The following SFMBT2 variants were observed in gnomAD, a reference collection of about 807,000 sequenced individuals.
The protein encoded by SFMBT2 is Scm like with four mbt domains 2.
SFMBT2 carries 38 observed loss-of-function variants against 110.1 expected under a neutral mutation model. The observed-to-expected ratio is 0.35, with a 90% CI of 0.27 to 0.45. The LOEUF is 0.45. SFMBT2 is among the 20% of genes least tolerant of loss of function. The pLI is 1.00. For synonymous variants in SFMBT2, 425 were observed against 425.4 expected (o/e 1.00, Z 0.01); for missense variants, 1,011 against 1,094.9 (o/e 0.92, Z 1.08).
chr10:7,397,062 AAAAAT>A (rs1441344144), intron 1 of SFMBT2, among the ~76,000 whole-genome samples: 1 of 152,220 alleles, frequency 6.6e-6, no homozygotes, highest in African/African-American at 2.4e-5. Context: ...AATAAAAATA[AAAAAT>A]AAAATAAACT....
rs1459974056 is a variant in SFMBT2 at position 7,229,606 on chromosome 10, A to G, written c.1121-1669T>C. Among the ~76,000 whole-genome samples the G allele has an allele frequency of 5.9e-5, 9 of 151,410 alleles. No homozygotes were observed. In the South Asian group the frequency reaches 8.3e-4, roughly 14 times the overall value. On this transcript the variant is annotated intron_variant, in intron 9 of 20. Coordinates refer to ENST00000397167, the MANE Select transcript of SFMBT2 (RefSeq NM_001387889.1). ...CAAGACTCCATCTCAAAAAAAAAAA[A>G]AAAGAAAGAAAGAAACTCAAGACAC...
intron 10 of SFMBT2, 68 bp from the exon 11 acceptor site, chr10:7,220,605 A>G (rs1839695707): frequency 2.6e-6 from 4 of 1,559,046 alleles, no homozygotes; most frequent in Non-Finnish European, 1.8e-6. Context: ...GCAGATGAAG[A>G]AAGAGAAAGA....
chr10:7,285,487 T>C (rs577112110), intron 5 of SFMBT2: 1 of 159,190 alleles, frequency 6.3e-6, no homozygotes, highest in Admixed American at 6.3e-5. Flanking sequence ...TCCAAGAGAC[T>C]ATATTAGCAC....
intron 1 of SFMBT2, among the ~76,000 whole-genome samples, chr10:7,388,320 AAAG>A (rs1282356198): frequency 2.0e-5 from 3 of 146,962 alleles, no homozygotes; most frequent in Non-Finnish European, 4.5e-5. Flanking sequence ...TCAGGCAAAC[AAAG>A]AAGGATGATG....
intron 4 of SFMBT2, among the ~76,000 whole-genome samples, chr10:7,297,869 G>A (rs936017609): frequency 6.6e-6 from 1 of 152,190 alleles, no homozygotes; most frequent in African/African-American, 2.4e-5. Flanking sequence ...GTATACCTGA[G>A]GATAGTATCT....
At chr10:7,271,900 A>T (rs915897236) in intron 7 of SFMBT2, among the ~76,000 whole-genome samples, 2 of 151,930 alleles carry the variant, frequency 1.3e-5, no homozygotes, top group Middle Eastern at 3.4e-3. Flanking sequence ...GGAAAGACCC[A>T]CCCCCATGAT....
chr10:7,163,165 G>T lies in SFMBT2; in HGVS notation c.*605C>A. Reference sequence around the variant, plus strand: ...AACAAACAAACCATCTAGTTGCATGGAGATGCCTGCCGGCCTTCCTTCACT... The same window carrying T: ...AACAAACAAACCATCTAGTTGCATGTAGATGCCTGCCGGCCTTCCTTCACT... On this transcript the variant is annotated 3_prime_UTR_variant, in exon 21 of 21. Coordinates refer to ENST00000397167, the MANE Select transcript of SFMBT2 (RefSeq NM_001387889.1). The surrounding 1 kb of genome is among the most constrained non-coding windows in gnomAD (Gnocchi z 4.8). 6.3e-6 allele frequency: 1 copy of T among 159,896 alleles called. No homozygotes were observed. Among genetic ancestry groups the T allele is most frequent in the Non-Finnish European group, 1.3e-5 (1 of 74,124 alleles). The allele number at this position is 159,896 out of a possible 1,614,324, so 9.9% of individuals were successfully genotyped here.
At chr10:7,273,793 G>C (rs919710718) in intron 7 of SFMBT2, among the ~76,000 whole-genome samples, 8 of 152,214 alleles carry the variant, frequency 5.3e-5, no homozygotes, top group Admixed American at 3.9e-4. Flanking sequence ...GTGCTGGAGA[G>C]GATGTGGAGA....
rs1842552008 is a variant in SFMBT2 at position 7,301,375 on chromosome 10, G to A, written c.437-15421C>T. ...CACAGAAACGCTGATGGGTCAAGCA[G>A]CTCTTCCAATCATCAAGTGAGGAAT... On this transcript the variant is annotated intron_variant, in intron 4 of 20. Coordinates refer to ENST00000397167, the MANE Select transcript of SFMBT2 (RefSeq NM_001387889.1). This position sits in a 1 kb window ranked among gnomAD's most constrained non-coding sequence, Gnocchi z 4.2. 6.6e-6 allele frequency among the ~76,000 whole-genome samples: 1 copy of A among 152,236 alleles called. No homozygotes were observed. The highest frequency in any genetic ancestry group is 2.1e-4 in the South Asian group (1 of 4,828).
At chr10:7,308,347 G>C (rs1158672776) in intron 4 of SFMBT2, among the ~76,000 whole-genome samples, 1 of 152,004 alleles carries the variant, frequency 6.6e-6, no homozygotes, top group Non-Finnish European at 1.5e-5. Flanking sequence ...GATGGAGAGA[G>C]AGACCCCATC....
At chr10:7,256,882 A>G (rs868288270) in intron 7 of SFMBT2, among the ~76,000 whole-genome samples, 8 of 152,298 alleles carry the variant, frequency 5.3e-5, no homozygotes, top group Middle Eastern at 6.8e-3. Context: ...CACTGAGGTC[A>G]GGAGTTTGAG....
intron 7 of SFMBT2, among the ~76,000 whole-genome samples, chr10:7,252,159 C>T (rs113917359): frequency 0.014 from 2,125 of 152,330 alleles, 22 homozygotes; most frequent in South Asian, 0.046. Context: ...AATCCACACC[C>T]ATCTTTTATC....
intron 4 of SFMBT2, among the ~76,000 whole-genome samples, chr10:7,333,483 C>T (rs1588457037): frequency 6.6e-6 from 1 of 151,400 alleles, no homozygotes; most frequent in South Asian, 2.1e-4. Context: ...ACCTCGAATT[C>T]CTAGACTCAA....
rs993484968 is a variant in SFMBT2 at position 7,185,168 on chromosome 10, G to A, written c.1808+3456C>T. Among the ~76,000 whole-genome samples, 14 of 152,216 alleles carry A rather than the reference G, an allele frequency of 9.2e-5. 1 individual carries two copies. In the Middle Eastern group the frequency reaches 0.017, roughly 185 times the overall value. On this transcript the variant is annotated intron_variant, in intron 16 of 20. Transcript: ENST00000397167. ...AAGCTGGCCTGTTTGAATCAGACAC[G>A]CCACACCGTGATCCAGTGAATTTAG...
At chr10:7,406,797 G>C (rs1280244055) in intron 1 of SFMBT2, among the ~76,000 whole-genome samples, 1 of 152,230 alleles carries the variant, frequency 6.6e-6, no homozygotes, top group Non-Finnish European at 1.5e-5. Flanking sequence ...TGGGAAATGG[G>C]AAACAGTTCC....
intron 9 of SFMBT2, among the ~76,000 whole-genome samples, chr10:7,239,571 CA>C (rs1474878995): frequency 6.6e-6 from 1 of 152,122 alleles, no homozygotes; most frequent in Non-Finnish European, 1.5e-5. Context: ...AGTTTAATTA[CA>C]AAAATAAATA....
chr10:7,286,455 G>T (rs894257999), intron 4 of SFMBT2: 19 of 777,840 alleles, frequency 2.4e-5, no homozygotes, highest in Non-Finnish European at 3.0e-5. Context: ...GAGAAATGGG[G>T]AGAATAAGTA....
chr10:7,345,472 C>T (rs1455890432), intron 4 of SFMBT2, among the ~76,000 whole-genome samples: 2 of 152,174 alleles, frequency 1.3e-5, no homozygotes, highest in African/African-American at 2.4e-5. Flanking sequence ...AATTCTCCTG[C>T]CTCAGCCTCC....
intron 20 of SFMBT2, chr10:7,164,519 C>T (rs1175472782): frequency 2.3e-6 from 2 of 869,744 alleles, no homozygotes; most frequent in African/African-American, 3.6e-5. Context: ...AATTGCTTCC[C>T]AAGCTTATCG....
Sources: gnomAD v4.1 joint callset for allele counts (sites outside exome capture counted in the v4.1 genomes callset) on GRCh38, gnomAD v4.1.1 for gene constraint, Gnocchi (gnomAD v3.1) non-coding constraint, MANE v1.5 for transcripts, NCBI Gene and HGNC (gene_info 2026-07-23, HGNC 2026-07-21) for gene names.